The following SEMA6D variants were observed in gnomAD, a reference collection of about 807,000 sequenced individuals.
The protein encoded by SEMA6D is semaphorin-6D.
A neutral mutation model predicts 106.6 loss-of-function variants in SEMA6D; 35 were observed. The ratio of observed to expected loss-of-function variants is 0.33; its 90% CI spans 0.25 to 0.44. The LOEUF is 0.44. Among genes scored for constraint, SEMA6D ranks in the 20% least tolerant of loss-of-function variants. SEMA6D has a pLI of 1.00. For synonymous variants in SEMA6D, 499 were observed against 487.7 expected (o/e 1.02, Z -0.31); for missense variants, 1,185 against 1,345.9 (o/e 0.88, Z 1.87).
intron 1 of SEMA6D, among the ~76,000 whole-genome samples, chr15:47,376,389 G>A (rs145986669): frequency 5.9e-5 from 9 of 152,320 alleles, no homozygotes; most frequent in African/African-American, 2.2e-4. Flanking sequence ...TGCACAAACT[G>A]ACTTCTGCTT....
intron 1 of SEMA6D, among the ~76,000 whole-genome samples, chr15:47,195,433 A>G (rs1258906445): frequency 6.6e-6 from 1 of 152,216 alleles, no homozygotes; most frequent in Non-Finnish European, 1.5e-5. Context: ...ATATACTATC[A>G]CAGCTCTTTG....
intron 1 of SEMA6D, chr15:47,241,412 TTTG>T (rs76584823): frequency 2.0e-5 from 3 of 152,204 alleles, no homozygotes; most frequent in Non-Finnish European, 4.4e-5. Flanking sequence ...GCGACATGTT[TTTG>T]TTGTTGTTGT....
chr15:47,765,506 A>G, intron 13 of SEMA6D: 1 of 956,606 alleles, frequency 1.0e-6, no homozygotes, highest in Non-Finnish European at 1.3e-6. Context: ...TAAGAAATAG[A>G]AGAGAGAAAT....
At chr15:47,717,998 G>A (rs1253446629) in intron 1 of SEMA6D, among the ~76,000 whole-genome samples, 1 of 152,172 alleles carries the variant, frequency 6.6e-6, no homozygotes, top group Non-Finnish European at 1.5e-5. Flanking sequence ...GGCGGCTTAG[G>A]GGGAGGGGCA....
intron 4 of SEMA6D, among the ~76,000 whole-genome samples, chr15:47,697,928 T>C (rs778623612): frequency 1.3e-5 from 2 of 152,204 alleles, no homozygotes; most frequent in African/African-American, 2.4e-5. Flanking sequence ...ACCCAATGCT[T>C]CCCTAACTTG....
intron 4 of SEMA6D, among the ~76,000 whole-genome samples, chr15:47,655,578 T>G (rs950501734): frequency 2.0e-5 from 3 of 152,238 alleles, no homozygotes; most frequent in African/African-American, 7.2e-5. Flanking sequence ...TACATTCGCT[T>G]CCTTCAAAGA....
intron 2 of SEMA6D, among the ~76,000 whole-genome samples, chr15:47,451,685 A>G (rs1567088964): frequency 6.6e-6 from 1 of 152,042 alleles, no homozygotes; most frequent in Non-Finnish European, 1.5e-5. Context: ...TGGGGAATTC[A>G]TATGATTTAA....
intron 9 of SEMA6D, 22 bp downstream of exon 9, chr15:47,763,126 G>A (rs1245714622): frequency 3.8e-6 from 6 of 1,575,738 alleles, no homozygotes; most frequent in Non-Finnish European, 1.7e-6. Context: ...CATTTGGCTT[G>A]AATTGTGGAC....
intron 1 of SEMA6D, among the ~76,000 whole-genome samples, chr15:47,346,443 C>A (rs1310618583): frequency 6.6e-6 from 1 of 151,974 alleles, no homozygotes; most frequent in East Asian, 1.9e-4. Flanking sequence ...AATTTAATCC[C>A]TAAAACTTTT....
chr15:47,268,439 T>C (rs2034419339), intron 1 of SEMA6D, among the ~76,000 whole-genome samples: 1 of 152,150 alleles, frequency 6.6e-6, no homozygotes, highest in Non-Finnish European at 1.5e-5. Flanking sequence ...TGCTTTCTGT[T>C]TATTCTGTAA....
intron 3 of SEMA6D, among the ~76,000 whole-genome samples, chr15:47,515,812 G>A (rs2141854480): frequency 6.6e-6 from 1 of 152,306 alleles, no homozygotes; most frequent in Non-Finnish European, 1.5e-5. Context: ...TTTCAATGAG[G>A]CTGCCTTACG....
At chr15:47,437,315 A>G (rs1163661137) in intron 2 of SEMA6D, among the ~76,000 whole-genome samples, 1 of 152,074 alleles carries the variant, frequency 6.6e-6, no homozygotes, top group Non-Finnish European at 1.5e-5. Flanking sequence ...GTCATGTCTT[A>G]TGATGTTTTT....
At chr15:47,635,125 C>T (rs2077364208) in intron 4 of SEMA6D, among the ~76,000 whole-genome samples, 1 of 152,148 alleles carries the variant, frequency 6.6e-6, no homozygotes, top group South Asian at 2.1e-4. Context: ...CCTGACCTCC[C>T]TGTAAAGTCT....
At chr15:47,761,458 C>A (rs189191536) in intron 6 of SEMA6D, 27 bp downstream of exon 6, 2 of 1,539,062 alleles carry the variant, frequency 1.3e-6, no homozygotes, top group East Asian at 4.5e-5. Context: ...TGATATGCTT[C>A]TTTTGATCAA....
chr15:47,466,369 G>T (rs572458813), intron 2 of SEMA6D, among the ~76,000 whole-genome samples: 1 of 152,100 alleles, frequency 6.6e-6, no homozygotes, highest in African/African-American at 2.4e-5. Context: ...CATAGGTTAG[G>T]CTTCTTTAGT....
intron 4 of SEMA6D, among the ~76,000 whole-genome samples, chr15:47,615,136 G>A (rs2076983169): frequency 6.6e-6 from 1 of 151,948 alleles, no homozygotes; most frequent in South Asian, 2.1e-4. Flanking sequence ...AATTATGTAT[G>A]ATTCGACCAA....
chr15:47,347,977 G>A (rs1197122744), intron 1 of SEMA6D, among the ~76,000 whole-genome samples: 3 of 152,040 alleles, frequency 2.0e-5, no homozygotes, highest in Non-Finnish European at 4.4e-5. Flanking sequence ...CTTCCATACT[G>A]TTTCCTGGAA....
chr15:47,663,431 T>C (rs1157100581), intron 4 of SEMA6D, among the ~76,000 whole-genome samples: 1 of 152,238 alleles, frequency 6.6e-6, no homozygotes, highest in Non-Finnish European at 1.5e-5. Flanking sequence ...TAATCTTGGA[T>C]TGATCTCTGA....
chr15:47,348,956 G>T (rs1327212040), intron 1 of SEMA6D, among the ~76,000 whole-genome samples: 1 of 152,066 alleles, frequency 6.6e-6, no homozygotes, highest in African/African-American at 2.4e-5. Context: ...GGCTGCCCTT[G>T]TTCTTAGCCA....
Sources: gnomAD v4.1 joint callset for allele counts (sites outside exome capture counted in the v4.1 genomes callset) on GRCh38, gnomAD v4.1.1 for gene constraint, MANE v1.5 for transcripts, NCBI Gene and HGNC (gene_info 2026-07-23, HGNC 2026-07-21) for gene names.